The following CACNA2D3 variants were observed in gnomAD, a reference collection of about 807,000 sequenced individuals.
CACNA2D3 encodes voltage-dependent calcium channel subunit alpha-2/delta-3.
Under a neutral mutation model 160.6 loss-of-function variants are expected in CACNA2D3, and 60 were observed. The observed-to-expected ratio is 0.37, with a 90% confidence interval of 0.30 to 0.46. The LOEUF (loss-of-function observed/expected upper bound fraction) is 0.46. Among genes scored for constraint, CACNA2D3 ranks in the 20% least tolerant of loss-of-function variants. The probability of loss-of-function intolerance (pLI) is 1.00; values close to 1 mark genes in which losing one functional copy is unlikely to be tolerated. For synonymous variants in CACNA2D3, 558 were observed against 492.9 expected (o/e 1.13, Z -1.75); for missense variants, 1,205 against 1,365.0 (o/e 0.88, Z 1.85).
At chr3:54,720,998 GATTA>G (rs1290344706) in intron 11 of CACNA2D3, among the ~76,000 whole-genome samples, 1 of 151,944 alleles carries the variant, frequency 6.6e-6, no homozygotes, top group Non-Finnish European at 1.5e-5. Context: ...GTTTCTAGTT[GATTA>G]ATCTAAAAAA....
chr3:54,316,788 C>G (rs995716358), intron 2 of CACNA2D3, among the ~76,000 whole-genome samples: 1 of 152,208 alleles, frequency 6.6e-6, no homozygotes, highest in Admixed American at 6.5e-5. Context: ...TCATTGAAAA[C>G]TTGGTGGAAA....
At chr3:54,927,488 T>C (rs1331196350) in intron 27 of CACNA2D3, among the ~76,000 whole-genome samples, 1 of 152,210 alleles carries the variant, frequency 6.6e-6, no homozygotes, top group African/African-American at 2.4e-5. Context: ...ATTAATTAGT[T>C]GCAGGAAATT....
At chr3:55,033,851 T>A (rs1703751651) in intron 35 of CACNA2D3, among the ~76,000 whole-genome samples, 2 of 91,982 alleles carry the variant, frequency 2.2e-5, no homozygotes, top group African/African-American at 8.4e-5. Flanking sequence ...ATATTACATA[T>A]TAAATATATT....
At chr3:54,209,361 G>A (rs537782713) in intron 2 of CACNA2D3, among the ~76,000 whole-genome samples, 1 of 152,304 alleles carries the variant, frequency 6.6e-6, no homozygotes, top group South Asian at 2.1e-4. Flanking sequence ...CTTTGTGTCT[G>A]ACGATCTTGC....
At chr3:54,931,365 G>A (rs1416282366) in intron 27 of CACNA2D3, among the ~76,000 whole-genome samples, 1 of 151,822 alleles carries the variant, frequency 6.6e-6, no homozygotes, top group Non-Finnish European at 1.5e-5. Context: ...TGGATGTGGA[G>A]GCTGATTGAT....
intron 11 of CACNA2D3, among the ~76,000 whole-genome samples, chr3:54,645,506 G>A (rs1699616440): frequency 6.6e-6 from 1 of 152,212 alleles, no homozygotes; most frequent in African/African-American, 2.4e-5. Context: ...CCATTAGGCA[G>A]CAAATGCATG....
chr3:54,394,588 C>A (rs571036552), intron 4 of CACNA2D3, among the ~76,000 whole-genome samples: 3,603 of 118,610 alleles, frequency 0.03, 652 homozygotes, highest in African/African-American at 0.12. Context: ...TTTGTTCTTG[C>A]GATAGTTTAC....
chr3:54,659,615 G>T (rs1405965924), intron 11 of CACNA2D3, among the ~76,000 whole-genome samples: 1 of 152,142 alleles, frequency 6.6e-6, no homozygotes, highest in Non-Finnish European at 1.5e-5. Flanking sequence ...TTGCCAAGAA[G>T]CGTGTCCTGA....
chr3:54,403,819 G>A (rs1699522012), intron 4 of CACNA2D3, among the ~76,000 whole-genome samples: 1 of 152,010 alleles, frequency 6.6e-6, no homozygotes, highest in Admixed American at 6.6e-5. Flanking sequence ...TATAACAGAA[G>A]CCTCAGAAAT....
intron 5 of CACNA2D3, among the ~76,000 whole-genome samples, chr3:54,531,480 A>AT (rs773453581): frequency 4.6e-5 from 7 of 152,078 alleles, no homozygotes; most frequent in Non-Finnish European, 1.0e-4. Context: ...CCCTCAGAAG[A>AT]TTTTTTCCCC....
chr3:54,691,265 G>C (rs191586984), intron 11 of CACNA2D3, among the ~76,000 whole-genome samples: 1 of 152,318 alleles, frequency 6.6e-6, no homozygotes, highest in Admixed American at 6.5e-5. Flanking sequence ...TTGGCTAACA[G>C]TGTGGCCCTA....
intron 2 of CACNA2D3, among the ~76,000 whole-genome samples, chr3:54,254,480 G>T (rs904065423): frequency 1.3e-5 from 2 of 152,198 alleles, no homozygotes; most frequent in Non-Finnish European, 2.9e-5. Flanking sequence ...TCTTCCAGTA[G>T]CTTCTTTGTG....
At chr3:54,500,373 G>A (rs933198497) in intron 4 of CACNA2D3, among the ~76,000 whole-genome samples, 2 of 152,090 alleles carry the variant, frequency 1.3e-5, no homozygotes, top group African/African-American at 4.8e-5. Flanking sequence ...TTTGATTGAT[G>A]TATTTATTCC....
In CACNA2D3 at chr3:54,678,003, C is replaced by T. The variant is rs192264181; in HGVS notation, c.1167+35762C>T. Among the ~76,000 whole-genome samples the T allele has an allele frequency of 1.3e-3, 199 of 151,998 alleles. 1 individual carries two copies. Among genetic ancestry groups the T allele is most frequent in the Non-Finnish European group, 2.2e-3 (149 of 67,974 alleles). Reference sequence around the variant, plus strand: ...TGAAAAATTCACAGAACAAAAATGTCGATTATTTTAAAAAGGCACAAGGAA... The same window carrying T: ...TGAAAAATTCACAGAACAAAAATGTTGATTATTTTAAAAAGGCACAAGGAA... On this transcript the variant is annotated intron_variant, in intron 11 of 37. Coordinates refer to ENST00000474759, the MANE Select transcript of CACNA2D3 (RefSeq NM_018398.3).
intron 12 of CACNA2D3, among the ~76,000 whole-genome samples, chr3:54,763,775 ATG>A (rs150526026): frequency 0.033 from 1,957 of 59,730 alleles, 496 homozygotes; most frequent in African/African-American, 0.093. Context: ...ATATGTATAT[ATG>A]TACATATATA....
At position 54,125,345 on chromosome 3, in the gene CACNA2D3, TCTTAC is replaced by T. The variant is rs557945730; in HGVS notation, c.204+1755_204+1759del. Among the ~76,000 whole-genome samples, 259 of 152,336 alleles carry T rather than the reference TCTTAC, an allele frequency of 1.7e-3. 1 individual carries two copies. The highest frequency in any genetic ancestry group is 5.1e-3 in the African/African-American group (210 of 41,580). ...AAATTGGAAAAGGCTGAAATGCTTC[TCTTAC>T]CTTCTCATCAGCATCCTTTCTGATA... On this transcript the variant is annotated intron_variant, in intron 2 of 37. Coordinates refer to ENST00000474759, the MANE Select transcript of CACNA2D3 (RefSeq NM_018398.3).
chr3:54,240,866 C>T (rs10222480), intron 2 of CACNA2D3, among the ~76,000 whole-genome samples: 8,306 of 152,040 alleles, frequency 0.055, 745 homozygotes, highest in African/African-American at 0.19. Flanking sequence ...CTCAGCCTTC[C>T]GAGTAGCTGG....
intron 2 of CACNA2D3, among the ~76,000 whole-genome samples, chr3:54,202,659 A>G (rs1363407455): frequency 6.6e-6 from 1 of 152,222 alleles, no homozygotes; most frequent in African/African-American, 2.4e-5. Flanking sequence ...TTGAAAGAGA[A>G]ACAATGTATA....
intron 14 of CACNA2D3, among the ~76,000 whole-genome samples, chr3:54,818,419 G>A (rs147498851): frequency 7.2e-4 from 110 of 152,328 alleles, no homozygotes; most frequent in Non-Finnish European, 1.2e-3. Context: ...GACCTTAGGT[G>A]ATCTGCCTGC....
Sources: allele counts gnomAD v4.1 joint callset (sites outside exome capture counted in the v4.1 genomes callset), GRCh38; gene constraint gnomAD v4.1.1; transcripts MANE v1.5; gene names NCBI Gene and HGNC (gene_info 2026-07-23, HGNC 2026-07-21).